Variants in HSPBP1 observed in about 807,000 individuals in gnomAD.
HSPBP1 encodes HSPA (Hsp70) binding protein 1.
HSPBP1 carries 31 observed loss-of-function variants against 41.7 expected under a neutral mutation model. The observed-to-expected ratio is 0.74, with a 90% CI of 0.56 to 1.00. The LOEUF (loss-of-function observed/expected upper bound fraction) is 1.00. Ranked by LOEUF, HSPBP1 falls within the 50% of genes least tolerant of loss-of-function variation. The pLI is 0.00. For missense variants in HSPBP1, 439 were observed against 487.9 expected (o/e 0.90, Z 0.94); for synonymous variants, 199 against 214.4 (o/e 0.93, Z 0.63).
chr19:55,268,298 C>T lies in HSPBP1; in HGVS notation c.641-2012G>A, dbSNP rs1270913057. ...ATACAAAATTAGCTGGGCGTGGTGG[C>T]GTGCGTCTGTAATCCCAGCTACTAG... On this transcript the variant is annotated intron_variant, in intron 4 of 7. Transcript: ENST00000433386. The surrounding 1 kb of genome is among the most constrained non-coding windows in gnomAD (Gnocchi z 4.5). Among the ~76,000 whole-genome samples, 3 of 151,940 alleles carry T rather than the reference C, an allele frequency of 2.0e-5. No homozygotes were observed. The highest frequency in any genetic ancestry group is 2.9e-5 in the Non-Finnish European group (2 of 67,980).
chr19:55,268,150 G>C lies in HSPBP1; in HGVS notation c.641-1864C>G, dbSNP rs1175259952. ...ATATTTTCCATTAAACACAACGTTG[G>C]CTGGGCGCGGTGGCTCATGCCTGTA... On this transcript the variant is annotated intron_variant, in intron 4 of 7. Coordinates refer to ENST00000433386, the MANE Select transcript of HSPBP1 (RefSeq NM_012267.5). This position sits in a 1 kb window ranked among gnomAD's most constrained non-coding sequence, Gnocchi z 4.5. 6.6e-6 allele frequency among the ~76,000 whole-genome samples: 1 copy of C among 152,130 alleles called. No homozygotes were observed. The highest frequency in any genetic ancestry group is 2.4e-5 in the African/African-American group (1 of 41,422).
chr19:55,275,219 G>A (rs2088039862), intron 3 of HSPBP1, among the ~76,000 whole-genome samples: 1 of 152,160 alleles, frequency 6.6e-6, no homozygotes, highest in South Asian at 2.1e-4. Flanking sequence ...GTGACAATCT[G>A]AATGTCCCCA....
In HSPBP1 at chr19:55,274,530, C is replaced by G. The variant is rs747855866; in HGVS notation, c.508G>C (p.Gly170Arg). ...GCTGCCACGTTCTGACTGCACGTGC[C>G]GATGAGCTGTGCCGCCCGCCACCGC... The part of the protein sequence containing the change: ...GLRWRAAQLI[G>R]TCSQNVAAIQ... The change falls in exon 4 of 8, where the codon GGC becomes CGC. Residue 170 changes from glycine to arginine, a missense_variant. Physicochemically the swap from Gly to Arg is moderately radical, Grantham distance 125 (BLOSUM62 -2). Transcript: ENST00000433386. The G allele has an allele frequency of 6.2e-7, 1 of 1,607,958 alleles. No individual in the cohort carries two copies. The highest frequency in any genetic ancestry group is 1.7e-5 in the Admixed American group (1 of 59,784).
At chr19:55,264,469 T>G (rs1422452112) in intron 7 of HSPBP1, among the ~76,000 whole-genome samples, 1 of 152,212 alleles carries the variant, frequency 6.6e-6, no homozygotes, top group African/African-American at 2.4e-5. Flanking sequence ...TGATTTAGCA[T>G]TTGTTACTTA....
intron 4 of HSPBP1, among the ~76,000 whole-genome samples, chr19:55,269,736 T>A (rs1264202765): frequency 3.3e-5 from 5 of 152,082 alleles, no homozygotes; most frequent in African/African-American, 1.2e-4. Flanking sequence ...CACAGAGGAT[T>A]TGTAGGGCAG....
At chr19:55,276,485 A>G (rs1227006658) in intron 3 of HSPBP1, among the ~76,000 whole-genome samples, 1 of 152,190 alleles carries the variant, frequency 6.6e-6, no homozygotes, top group African/African-American at 2.4e-5. Context: ...TTATATTTAT[A>G]TACACAGAGA....
At chr19:55,264,057 TC>T (rs1308015219) in intron 7 of HSPBP1, among the ~76,000 whole-genome samples, 1 of 146,980 alleles carries the variant, frequency 6.8e-6, no homozygotes, top group Non-Finnish European at 1.5e-5. Flanking sequence ...AACCTCCGCC[TC>T]CCCGGTTCAA....
intron 7 of HSPBP1, among the ~76,000 whole-genome samples, chr19:55,263,218 T>C (rs2122794958): frequency 6.6e-6 from 1 of 152,266 alleles, no homozygotes; most frequent in East Asian, 1.9e-4. Context: ...AACGAACAGT[T>C]CACAAGAAAG....
chr19:55,266,379 CCAA>C lies in HSPBP1; in HGVS notation c.641-96_641-94del, dbSNP rs1199334679. On this transcript the variant is annotated intron_variant, in intron 4 of 7. Coordinates refer to ENST00000433386, the MANE Select transcript of HSPBP1 (RefSeq NM_012267.5). ...ACCAACATCATCACAACCACCATCA[CCAA>C]CATCATCATCACCACCATCACCACT... The C allele has an allele frequency of 2.3e-5, 29 of 1,258,414 alleles. No individual in the cohort carries two copies. The South Asian group carries it at 2.6e-4, about 11-fold the overall frequency. The allele number at this position is 1,258,414 out of a possible 1,614,324, so 78.0% of individuals were successfully genotyped here.
rs1399021310 is a variant in HSPBP1, at chr19:55,279,380, T to G, written c.210+19A>C. 7.0e-6 allele frequency: 11 copies of G among 1,576,502 alleles called. No individual in the cohort carries two copies. Among genetic ancestry groups the G allele is most frequent in the Non-Finnish European group, 9.4e-6 (11 of 1,168,722 alleles). ...TCCCCAGGCCCCTCACCCCAGCTTCTTGGGTCCCCATCCTTTACCTCCTCA... is the reference window on the plus strand; with the variant it reads ...TCCCCAGGCCCCTCACCCCAGCTTCGTGGGTCCCCATCCTTTACCTCCTCA... On this transcript the variant is annotated intron_variant, in intron 2 of 7. Transcript: ENST00000433386.
intron 7 of HSPBP1, among the ~76,000 whole-genome samples, chr19:55,264,015 C>T (rs1273910293): frequency 1.4e-5 from 2 of 146,268 alleles, no homozygotes; most frequent in African/African-American, 5.2e-5. Flanking sequence ...GTCGCCCAGG[C>T]TGGAGTGCAG....
intron 2 of HSPBP1, among the ~76,000 whole-genome samples, chr19:55,278,936 A>AC (rs1568971960): frequency 2.0e-5 from 3 of 151,484 alleles, no homozygotes; most frequent in Non-Finnish European, 2.9e-5. Context: ...AAAAAAAAAA[A>AC]AAAAACAGCA....
Position 55,270,664 on chromosome 19 carries a change from G to GT in HSPBP1, c.640+3733dup, listed in dbSNP as rs1340255580. 6.6e-6 allele frequency among the ~76,000 whole-genome samples: 1 copy of GT among 151,988 alleles called. No homozygotes were observed. Among genetic ancestry groups the GT allele is most frequent in the Non-Finnish European group, 1.5e-5 (1 of 67,980 alleles). On this transcript the variant is annotated intron_variant, in intron 4 of 7. Transcript: ENST00000433386. This position sits in a 1 kb window ranked among gnomAD's most constrained non-coding sequence, Gnocchi z 5.4. ...ATCTGAGGAAACGAGATTAATCCGT[G>GT]TGTCTGTGTGCACACATACCACACA...
chr19:55,279,772 C>T lies in HSPBP1; in HGVS notation c.-94-70G>A, dbSNP rs577701647. 7.6e-5 allele frequency: 114 copies of T among 1,492,864 alleles called. 2 individuals carry two copies. The East Asian group carries it at 2.6e-3, about 34-fold the overall frequency. 92.5% of individuals were successfully genotyped at this position (1,492,864 alleles called of 1,614,324 possible). The stretch of plus-strand genomic sequence containing the variant: ...GACCCCAAACCACTCTGCCCCCAGC[C>T]CACTTAACCACAGCCCCTTTTCCTT... On this transcript the variant is annotated intron_variant, in intron 1 of 7. Coordinates refer to ENST00000433386, the MANE Select transcript of HSPBP1 (RefSeq NM_012267.5).
At chr19:55,269,110 C>T (rs552180720) in intron 4 of HSPBP1, among the ~76,000 whole-genome samples, 48 of 152,270 alleles carry the variant, frequency 3.2e-4, no homozygotes, top group Non-Finnish European at 6.2e-4. Context: ...GTCCCCTTTA[C>T]GCCAGGGTTT....
At position 55,265,328 on chromosome 19, in the gene HSPBP1, C is replaced by A; in HGVS notation, c.955G>T (p.Glu319Ter). ...AGCTGACAGCGGTGGCGGAGGAGCT[C>A]CTCCAGGCCCAGTTCCGGCTCCCGA... ...ECREPELGLE[E>*]LLRHRCQLLQ... Residue 319 changes from glutamate to a stop codon, truncating the protein, a stop_gained, in exon 7 of 8, where the codon GAG becomes TAG. Transcript: ENST00000433386. LOFTEE classifies it high-confidence loss of function. 6.2e-7 allele frequency: 1 copy of A among 1,613,078 alleles called. No individual in the cohort carries two copies. Among genetic ancestry groups the A allele is most frequent in the Non-Finnish European group, 8.5e-7 (1 of 1,179,758 alleles).
chr19:55,269,203 G>A (rs1281786767), intron 4 of HSPBP1, among the ~76,000 whole-genome samples: 1 of 152,092 alleles, frequency 6.6e-6, no homozygotes, highest in East Asian at 1.9e-4. Flanking sequence ...ATGTTGAGCA[G>A]CATCCCTGGC....
chr19:55,266,102 C>A (rs945413814), intron 5 of HSPBP1, 29 bp downstream of exon 5: 5 of 1,595,998 alleles, frequency 3.1e-6, no homozygotes, highest in African/African-American at 1.3e-5. Context: ...CTGCTCCCCA[C>A]TCCTGCCCTC....
At chr19:55,273,182 G>T (rs536248323) in intron 4 of HSPBP1, among the ~76,000 whole-genome samples, 63 of 152,192 alleles carry the variant, frequency 4.1e-4, no homozygotes, top group Non-Finnish European at 2.2e-4. Flanking sequence ...AGAGACAGGG[G>T]TTTCCCTATG....
Sources: gnomAD v4.1 joint callset for allele counts (sites outside exome capture counted in the v4.1 genomes callset) on GRCh38, gnomAD v4.1.1 for gene constraint, Gnocchi (gnomAD v3.1) non-coding constraint, MANE v1.5 for transcripts, NCBI Gene and HGNC (gene_info 2026-07-23, HGNC 2026-07-21) for gene names.